Variants in ASTN1 observed in about 807,000 individuals in gnomAD.
ASTN1 encodes the protein astrotactin-1.
In ASTN1, 41 loss-of-function variants were observed where a neutral mutation model predicts 140.7. That is an observed-to-expected ratio of 0.29 (90% confidence interval 0.23 to 0.38). The LOEUF is 0.38. Among genes scored for constraint, ASTN1 ranks in the 10% least tolerant of loss-of-function variants. The probability of loss-of-function intolerance (pLI) is 1.00; values close to 1 mark genes in which losing one functional copy is unlikely to be tolerated. For missense variants in ASTN1, 1,479 were observed against 1,678.8 expected, an observed-to-expected ratio of 0.88 and a Z score of 2.08; for synonymous variants, 640 against 652.2, an observed-to-expected ratio of 0.98 and a Z score of 0.29.
chr1:177,080,199 C>G (rs918428604), intron 1 of ASTN1, among the ~76,000 whole-genome samples: 2 of 149,574 alleles, frequency 1.3e-5, no homozygotes, highest in African/African-American at 4.9e-5. Flanking sequence ...ACTGTCCTTC[C>G]TCTTCCCTTC....
chr1:177,101,793 G>A (rs571027159), intron 1 of ASTN1, among the ~76,000 whole-genome samples: 1 of 152,260 alleles, frequency 6.6e-6, no homozygotes, highest in African/African-American at 2.4e-5. Context: ...GTAAGGCCAA[G>A]AATAATTGCA....
intron 1 of ASTN1, among the ~76,000 whole-genome samples, chr1:177,085,945 G>A (rs74468329): frequency 0.049 from 7,396 of 152,178 alleles, 249 homozygotes; most frequent in South Asian, 0.13. Flanking sequence ...CATTGGGTTA[G>A]TGGCAAGGTC....
At chr1:176,881,485 T>C (rs1305218305) in intron 20 of ASTN1, among the ~76,000 whole-genome samples, 1 of 152,148 alleles carries the variant, frequency 6.6e-6, no homozygotes, top group Non-Finnish European at 1.5e-5. Flanking sequence ...TACTGAGCCT[T>C]TACTATAAAT....
chr1:176,950,558 C>A (rs936262935), intron 11 of ASTN1, among the ~76,000 whole-genome samples: 1 of 152,088 alleles, frequency 6.6e-6, no homozygotes, highest in African/African-American at 2.4e-5. Flanking sequence ...AGTTAATTCA[C>A]AAACTCTTCT....
intron 2 of ASTN1, among the ~76,000 whole-genome samples, chr1:177,044,165 GAA>G (rs1033255179): frequency 7.8e-6 from 1 of 127,934 alleles, no homozygotes; most frequent in African/African-American, 2.8e-5. Context: ...TTTAAGAAAT[GAA>G]AAAAAAAATA....
At chr1:177,037,389 C>T (rs111305405) in intron 2 of ASTN1, among the ~76,000 whole-genome samples, 6 of 152,322 alleles carry the variant, frequency 3.9e-5, no homozygotes, top group African/African-American at 1.4e-4. Flanking sequence ...GACCTCTACT[C>T]AACATCTGCT....
Position 176,884,427 on chromosome 1 carries a change from T to G in ASTN1, c.3138A>C (p.Ser1046=). The change falls in exon 19 of 23, where the codon TCA becomes TCC. Residue 1046 remains serine, a synonymous_variant. Coordinates refer to ENST00000361833, the MANE Select transcript of ASTN1 (RefSeq NM_004319.3). ...CAATCTGCACCCCGATTGGTGGCTCTGAGTGTTCCCACTCCAGGACCACAA... is the reference window on the plus strand; with the variant it reads ...CAATCTGCACCCCGATTGGTGGCTCGGAGTGTTCCCACTCCAGGACCACAA... ...STLVVLEWEH[S]EPPIGVQIVD... The G allele has an allele frequency of 6.2e-7, 1 of 1,614,180 alleles. No homozygotes were observed. The highest frequency in any genetic ancestry group is 8.5e-7 in the Non-Finnish European group (1 of 1,180,022).
chr1:176,940,098 T>C (rs1671652481), intron 14 of ASTN1, among the ~76,000 whole-genome samples: 2 of 152,174 alleles, frequency 1.3e-5, no homozygotes, highest in Admixed American at 1.3e-4. Flanking sequence ...GGCCTATGAA[T>C]GCAGCCAGCA....
chr1:176,860,937 G>T, downstream of ASTN1: 1 of 334,414 alleles, frequency 3.0e-6, no homozygotes, highest in Non-Finnish European at 4.2e-6. Flanking sequence ...TTTTTTTCCA[G>T]TTAGAATGAT....
intron 1 of ASTN1, among the ~76,000 whole-genome samples, chr1:177,121,588 A>G (rs1170817008): frequency 6.6e-6 from 1 of 152,152 alleles, no homozygotes; most frequent in Non-Finnish European, 1.5e-5. Flanking sequence ...AAAATAAGGT[A>G]TAGAGCATTT....
intron 1 of ASTN1, among the ~76,000 whole-genome samples, chr1:177,139,131 G>A (rs1014883232): frequency 1.3e-5 from 2 of 152,166 alleles, no homozygotes; most frequent in Non-Finnish European, 2.9e-5. Context: ...GAGACTTTTA[G>A]ATGAGCATAG....
intron 1 of ASTN1, among the ~76,000 whole-genome samples, chr1:177,149,858 C>T (rs59419518): frequency 0.031 from 3,562 of 113,894 alleles, 393 homozygotes; most frequent in African/African-American, 0.11. Context: ...AGTGTATATA[C>T]ATAGTAAATA....
intron 8 of ASTN1, among the ~76,000 whole-genome samples, chr1:176,967,450 A>G (rs1222183438): frequency 5.3e-5 from 8 of 152,172 alleles, no homozygotes; most frequent in Admixed American, 5.2e-4. Context: ...AGGGACGTGC[A>G]ATTTTATTTA....
chr1:177,113,638 A>G (rs1680929103), intron 1 of ASTN1, among the ~76,000 whole-genome samples: 1 of 152,120 alleles, frequency 6.6e-6, no homozygotes, highest in Admixed American at 6.5e-5. Flanking sequence ...CCTACAGTGG[A>G]CTTACCAAAA....
At chr1:176,949,083 C>T (rs1367901898) in intron 12 of ASTN1, 102 bp downstream of exon 12, 4 of 1,489,170 alleles carry the variant, frequency 2.7e-6, no homozygotes, top group African/African-American at 1.4e-5. Flanking sequence ...TAAGGGATGG[C>T]CTAGGGTGAC....
chr1:176,972,294 C>G (rs1283863527), intron 8 of ASTN1, among the ~76,000 whole-genome samples: 1 of 152,108 alleles, frequency 6.6e-6, no homozygotes, highest in East Asian at 1.9e-4. Flanking sequence ...GATCAGCCAG[C>G]AGTATTCAGA....
intron 17 of ASTN1, among the ~76,000 whole-genome samples, chr1:176,892,046 G>A (rs1669290267): frequency 6.6e-6 from 1 of 152,110 alleles, no homozygotes; most frequent in Non-Finnish European, 1.5e-5. Flanking sequence ...AGTCTGAAGG[G>A]CCATAAGCAT....
intron 16 of ASTN1, among the ~76,000 whole-genome samples, chr1:176,918,580 CA>C (rs2103070176): frequency 6.6e-6 from 1 of 152,310 alleles, no homozygotes; most frequent in South Asian, 2.1e-4. Flanking sequence ...CTTCCCTCCC[CA>C]AGCCCCACTC....
intron 1 of ASTN1, among the ~76,000 whole-genome samples, chr1:177,110,305 A>C (rs1024495060): frequency 6.6e-6 from 1 of 152,254 alleles, no homozygotes; most frequent in Non-Finnish European, 1.5e-5. Flanking sequence ...CTAAGTTAGA[A>C]TGAGTTCCTA....
Sources: allele counts gnomAD v4.1 joint callset (sites outside exome capture counted in the v4.1 genomes callset), GRCh38; gene constraint gnomAD v4.1.1; transcripts MANE v1.5; gene names NCBI Gene and HGNC (gene_info 2026-07-23, HGNC 2026-07-21).